The following MPHOSPH6 variants were observed in gnomAD, a reference collection of about 807,000 sequenced individuals.
The protein encoded by MPHOSPH6 is M-phase phosphoprotein 6.
In MPHOSPH6, 25 loss-of-function variants were observed where a neutral mutation model predicts 21.8. The observed-to-expected ratio is 1.15, with a 90% confidence interval of 0.83 to 1.60. MPHOSPH6 has a LOEUF of 1.60. Ranked by LOEUF, MPHOSPH6 falls within the 40% of genes most tolerant of loss-of-function variation. MPHOSPH6 has a pLI of 0.00. For missense variants in MPHOSPH6, 269 were observed against 181.8 expected, an observed-to-expected ratio of 1.48 and a Z score of -2.76; for synonymous variants, 84 against 56.5, an observed-to-expected ratio of 1.49 and a Z score of -2.18.
At chr16:82,165,617 T>C (rs1567616267) in intron 1 of MPHOSPH6, among the ~76,000 whole-genome samples, 1 of 112,664 alleles carries the variant, frequency 8.9e-6, no homozygotes, top group East Asian at 2.9e-4. Flanking sequence ...AAGATTACAA[T>C]GCTGCATTTT....
Position 82,159,264 on chromosome 16 carries a change from G to A in MPHOSPH6, c.164+4818C>T, listed in dbSNP as rs566975851. The stretch of plus-strand genomic sequence containing the variant: ...AACAGAAAACAGTGCCACTCTTCTC[G>A]TTAAATTTTTTGTCTTGAAAAAGTT... On this transcript the variant is annotated intron_variant, in intron 2 of 4. Transcript: ENST00000258169. Among the ~76,000 whole-genome samples, 46 of 152,224 alleles carry A rather than the reference G, an allele frequency of 3.0e-4. 2 individuals carry two copies. In the South Asian group the frequency reaches 6.0e-3, roughly 20 times the overall value.
At chr16:82,155,180 G>C (rs1045267207) in intron 2 of MPHOSPH6, among the ~76,000 whole-genome samples, 10 of 152,250 alleles carry the variant, frequency 6.6e-5, no homozygotes, top group African/African-American at 1.9e-4. Context: ...CGAAAATAAA[G>C]GAGTATCTCT....
rs562777160 is a variant in MPHOSPH6 at position 82,149,608 on chromosome 16, A to G, written c.256-205T>C. On this transcript the variant is annotated intron_variant, in intron 3 of 4. Transcript: ENST00000258169. ...CAAAAAAATAGTAAGGCAAAGCCCC[A>G]CTGAATTATACTTAGGGTGAATTTA... Among the ~76,000 whole-genome samples, 29 of 152,360 alleles carry G rather than the reference A, an allele frequency of 1.9e-4. No individual in the cohort carries two copies. In the South Asian group the frequency reaches 5.8e-3, roughly 31 times the overall value.
intron 2 of MPHOSPH6, among the ~76,000 whole-genome samples, chr16:82,161,939 G>A (rs1433462409): frequency 2.0e-5 from 3 of 152,202 alleles, no homozygotes; most frequent in African/African-American, 7.2e-5. Context: ...GACTTTCAGA[G>A]CACAGACACA....
intron 1 of MPHOSPH6, among the ~76,000 whole-genome samples, chr16:82,165,387 G>C (rs369035105): frequency 4.6e-5 from 7 of 151,976 alleles, no homozygotes; most frequent in African/African-American, 1.7e-4. Flanking sequence ...GCCTCCCAAA[G>C]TGCTGGGATT....
intron 1 of MPHOSPH6, among the ~76,000 whole-genome samples, chr16:82,165,774 G>C (rs957457287): frequency 7.6e-4 from 20 of 26,202 alleles, no homozygotes; most frequent in African/African-American, 1.2e-3. Context: ...GTGTGTGGTA[G>C]GCTATACCAT....
rs1001807882 is a variant in MPHOSPH6 at position 82,148,629 on chromosome 16, A to T, written c.*102T>A. The T allele has an allele frequency of 2.4e-5, 32 of 1,350,968 alleles. No homozygotes were observed. Among genetic ancestry groups the T allele is most frequent in the Non-Finnish European group, 3.0e-5 (30 of 1,002,270 alleles). 83.7% of individuals were successfully genotyped at this position (1,350,968 alleles called of 1,614,324 possible). The stretch of plus-strand genomic sequence containing the variant: ...AAAATGATAATCTCTTTACAAGTAA[A>T]CGTTACAGTATTAATAACTATAGAG... On this transcript the variant is annotated 3_prime_UTR_variant, in exon 5 of 5. Coordinates refer to ENST00000258169, the MANE Select transcript of MPHOSPH6 (RefSeq NM_005792.2).
chr16:82,158,104 C>G (rs956230315), intron 2 of MPHOSPH6, among the ~76,000 whole-genome samples: 28 of 152,102 alleles, frequency 1.8e-4, no homozygotes, highest in Admixed American at 5.2e-4. Flanking sequence ...TTAGAATGTT[C>G]TTGATGACAC....
At position 82,165,144 on chromosome 16, in the gene MPHOSPH6, T is replaced by TTTTG. The variant is rs1555540871; in HGVS notation, c.52-951_52-950insCAAA. ...TTATTTTTTTTTTTATTTTTTTTTT[T>TTTTG]TGAGACAGAGTCTCACTCTGTCGCC... is the stretch of plus-strand genomic sequence containing the variant. On this transcript the variant is annotated intron_variant, in intron 1 of 4. Transcript: ENST00000258169. Among the ~76,000 whole-genome samples, 291 of 108,634 alleles carry TTTTG rather than the reference T, an allele frequency of 2.7e-3. 11 individuals are homozygous for TTTTG. Among genetic ancestry groups the TTTTG allele is most frequent in the Non-Finnish European group, 4.1e-3 (218 of 53,504 alleles). The allele number at this position is 108,634 out of a possible 152,430, so 71.3% of individuals were successfully genotyped here.
At chr16:82,155,099 T>A (rs777518089) in intron 2 of MPHOSPH6, among the ~76,000 whole-genome samples, 1 of 152,204 alleles carries the variant, frequency 6.6e-6, no homozygotes, top group Non-Finnish European at 1.5e-5. Flanking sequence ...AAAATAAAAA[T>A]CATGATCTTC....
At chr16:82,157,276 T>C (rs903098831) in intron 2 of MPHOSPH6, among the ~76,000 whole-genome samples, 4 of 152,188 alleles carry the variant, frequency 2.6e-5, no homozygotes, top group Non-Finnish European at 5.9e-5. Flanking sequence ...GAAGAATGAA[T>C]AGATATACCG....
chr16:82,149,552 C>A, intron 3 of MPHOSPH6, 149 bp from the exon 4 acceptor site: 1 of 692,014 alleles, frequency 1.4e-6, no homozygotes, highest in South Asian at 1.7e-5. Context: ...TACTTGATAC[C>A]ACAATGGTGT....
intron 1 of MPHOSPH6, among the ~76,000 whole-genome samples, chr16:82,168,218 C>T (rs1291299362): frequency 6.6e-6 from 1 of 152,164 alleles, no homozygotes; most frequent in African/African-American, 2.4e-5. Context: ...ATTCCAAGAG[C>T]TAAAACAACT....
chr16:82,167,142 C>T (rs7200628), intron 1 of MPHOSPH6, among the ~76,000 whole-genome samples: 108,753 of 152,128 alleles, frequency 0.71, 39,901 homozygotes, highest in Admixed American at 0.81. Context: ...AAATATTTAT[C>T]ATATGGTCCT....
rs749190307 is a variant in MPHOSPH6 at position 82,164,213 on chromosome 16, T to C, written c.52-19A>G. ...GCATAAACTGTGAAAACAAACAAAA[T>C]CAATGTCAGAAACTTTTCCCATTTT... On this transcript the variant is annotated intron_variant, in intron 1 of 4. Coordinates refer to ENST00000258169, the MANE Select transcript of MPHOSPH6 (RefSeq NM_005792.2). 64 of 1,525,392 alleles carry C rather than the reference T, an allele frequency of 4.2e-5. No individual in the cohort carries two copies. Among genetic ancestry groups the C allele is most frequent in the Non-Finnish European group, 5.7e-5 (64 of 1,115,704 alleles). 94.5% of individuals were successfully genotyped at this position (1,525,392 alleles called of 1,614,324 possible).
chr16:82,162,773 G>A (rs1043495068), intron 2 of MPHOSPH6, among the ~76,000 whole-genome samples: 1 of 152,122 alleles, frequency 6.6e-6, no homozygotes, highest in African/African-American at 2.4e-5. Context: ...TACATAAACA[G>A]GATGCTGAGT....
chr16:82,170,125 C>T lies in MPHOSPH6; in HGVS notation c.51G>A (p.Lys17=), dbSNP rs758286044. ...AGTGGCGCTCTCAGCGTCCCCGCAC[C>T]TTCATGCGCAGTAGATTCTTGGACA... ...TRLSKNLLRM[K]FMQRGLDSET... Residue 17 remains lysine (K), a splice_region_variant and synonymous_variant, in exon 1 of 5, where the codon AAG becomes AAA. Coordinates refer to ENST00000258169, the MANE Select transcript of MPHOSPH6 (RefSeq NM_005792.2). 6.3e-7 allele frequency: 1 copy of T among 1,591,464 alleles called. No individual in the cohort carries two copies. Among genetic ancestry groups the T allele is most frequent in the East Asian group, 2.4e-5 (1 of 42,248 alleles).
chr16:82,157,990 C>T (rs1396618133), intron 2 of MPHOSPH6, among the ~76,000 whole-genome samples: 8 of 152,098 alleles, frequency 5.3e-5, no homozygotes, highest in Non-Finnish European at 1.2e-4. Context: ...CTGGGTAAAA[C>T]GAATCTTAGC....
In MPHOSPH6 at chr16:82,148,516, G is replaced by A. The variant is rs1266250103; in HGVS notation, c.*215C>T. ...TGTAACAATGTACATTTGTAGATCA[G>A]GGGCTAAAAATCCACTCTGAATGAA... is the stretch of plus-strand genomic sequence containing the variant. On this transcript the variant is annotated 3_prime_UTR_variant, in exon 5 of 5. Coordinates refer to ENST00000258169, the MANE Select transcript of MPHOSPH6 (RefSeq NM_005792.2). The A allele has an allele frequency of 6.0e-6, 3 of 503,952 alleles. No homozygotes were observed. The highest frequency in any genetic ancestry group is 9.7e-6 in the Non-Finnish European group (3 of 307,722). The allele number at this position is 503,952 out of a possible 1,614,324, so 31.2% of individuals were successfully genotyped here.
Sources: gnomAD v4.1 joint callset for allele counts (sites outside exome capture counted in the v4.1 genomes callset) on GRCh38, gnomAD v4.1.1 for gene constraint, MANE v1.5 for transcripts, NCBI Gene and HGNC (gene_info 2026-07-23, HGNC 2026-07-21) for gene names.